The following DBF4 variants were observed in gnomAD, a reference collection of about 807,000 sequenced individuals.
The protein encoded by DBF4 is protein DBF4 homolog A.
DBF4 carries 25 observed loss-of-function variants against 76.6 expected under a neutral mutation model. The observed-to-expected ratio is 0.33, with a 90% CI of 0.24 to 0.46. The LOEUF is 0.46. Among genes scored for constraint, DBF4 ranks in the 20% least tolerant of loss-of-function variants. DBF4 has a pLI of 1.00. For missense variants in DBF4, 638 were observed against 760.8 expected (o/e 0.84, Z 1.90); for synonymous variants, 213 against 258.0 (o/e 0.83, Z 1.67).
At chr7:87,891,778 A>G (rs1195117750) in intron 6 of DBF4, among the ~76,000 whole-genome samples, 1 of 151,800 alleles carries the variant, frequency 6.6e-6, no homozygotes, top group African/African-American at 2.4e-5. Context: ...AGTTTTATTG[A>G]TTTCTGCTCT....
chr7:87,887,588 AC>A (rs1839389213), intron 5 of DBF4, among the ~76,000 whole-genome samples, 190 bp downstream of exon 5: 1 of 152,194 alleles, frequency 6.6e-6, no homozygotes, highest in Non-Finnish European at 1.5e-5. Context: ...AGTTATGGAG[AC>A]TAAGAAGTCC....
intron 10 of DBF4, among the ~76,000 whole-genome samples, chr7:87,901,220 A>G (rs967007954): frequency 1.3e-5 from 2 of 152,250 alleles, no homozygotes; most frequent in South Asian, 2.1e-4. Flanking sequence ...ATGAAAAAAT[A>G]GAACATAGGA....
At chr7:87,887,912 A>G (rs1026716934) in intron 5 of DBF4, 71 bp from the exon 6 acceptor site, 19 of 1,359,238 alleles carry the variant, frequency 1.4e-5, no homozygotes, top group Non-Finnish European at 1.9e-5. Context: ...TAATTTAACT[A>G]CAAGAAAATA....
chr7:87,878,373 C>G lies in DBF4; in HGVS notation c.219+148C>G, dbSNP rs1839123901. On this transcript the variant is annotated intron_variant, in intron 2 of 11. Transcript: ENST00000265728. ...TCAGCTGTTTATCGTTAACAAAAAACCATTTGTTTTAACCTTTTGTGGACT... is the reference window on the plus strand; with the variant it reads ...TCAGCTGTTTATCGTTAACAAAAAAGCATTTGTTTTAACCTTTTGTGGACT... The G allele has an allele frequency of 9.2e-6, 6 of 654,646 alleles. No individual in the cohort carries two copies. In the South Asian group the frequency reaches 1.4e-4, roughly 15 times the overall value. 40.6% of individuals were successfully genotyped at this position (654,646 alleles called of 1,614,324 possible).
chr7:87,909,507 C>T lies in DBF4; in HGVS notation c.*1344C>T, dbSNP rs1011421273. 6.6e-6 allele frequency: 1 copy of T among 152,152 alleles called. No homozygotes were observed. Among genetic ancestry groups the T allele is most frequent in the Admixed American group, 6.5e-5 (1 of 15,274 alleles). The allele number at this position is 152,152 out of a possible 1,614,324, so 9.4% of individuals were successfully genotyped here. A position where few individuals can be genotyped will look rare whatever the true frequency, so the allele number is the denominator to read the frequency against. Reference sequence around the variant, plus strand: ...AACACCTTTGTTTTTCATACCAGTACCTGAAGTAGGCTCAATAAAAGAGTC... The same window carrying T: ...AACACCTTTGTTTTTCATACCAGTATCTGAAGTAGGCTCAATAAAAGAGTC... On this transcript the variant is annotated 3_prime_UTR_variant, in exon 12 of 12. Coordinates refer to ENST00000265728, the MANE Select transcript of DBF4 (RefSeq NM_006716.4).
chr7:87,884,268 T>C (rs979811438), intron 2 of DBF4, among the ~76,000 whole-genome samples: 3 of 152,236 alleles, frequency 2.0e-5, no homozygotes, highest in Non-Finnish European at 4.4e-5. Flanking sequence ...AGTGTGTGCC[T>C]GTACTCTCAG....
chr7:87,882,765 A>G (rs1839248517), intron 2 of DBF4, among the ~76,000 whole-genome samples: 1 of 152,196 alleles, frequency 6.6e-6, no homozygotes, highest in Admixed American at 6.5e-5. Context: ...GTAATCACTT[A>G]ACACCTGTTA....
Position 87,878,110 on chromosome 7 carries a change from A to C in DBF4, c.104A>C (p.Asp35Ala). ...CCATCTCTGAAATCTCTGAAAACTG[A>C]TAACAGGCCAGAAAAATCCAAATGT... ...NRPSLKSLKT[D>A]NRPEKSKCKP... Residue 35 changes from aspartate to alanine, a missense_variant, in exon 2 of 12, where the codon GAT (aspartate) becomes GCT (alanine). Physicochemically the swap from Asp to Ala is moderately radical, Grantham distance 126. Transcript: ENST00000265728. 1.2e-6 allele frequency: 2 copies of C among 1,612,264 alleles called. No homozygotes were observed. The highest frequency in any genetic ancestry group is 1.7e-6 in the Non-Finnish European group (2 of 1,179,676).
chr7:87,886,915 T>C, intron 4 of DBF4, 21 bp downstream of exon 4: 1 of 1,436,620 alleles, frequency 7.0e-7, no homozygotes, highest in South Asian at 1.2e-5. Context: ...ACTATAAAGA[T>C]TCACATTGTA....
rs1161517252 is a variant in DBF4, at chr7:87,904,430, T to A, written c.1049+14T>A. The A allele has an allele frequency of 6.2e-7, 1 of 1,608,090 alleles. No individual in the cohort carries two copies. The highest frequency in any genetic ancestry group is 8.5e-7 in the Non-Finnish European group (1 of 1,176,628). On this transcript the variant is annotated intron_variant, in intron 11 of 11. Transcript: ENST00000265728. Reference sequence around the variant, plus strand: ...TAAAAAGAAAAGGTAATTAGTTTTATCAACCTAAGTTTTAAATTCTACTAG... The same window carrying A: ...TAAAAAGAAAAGGTAATTAGTTTTAACAACCTAAGTTTTAAATTCTACTAG...
rs773634427 is a variant in DBF4 at position 87,897,274 on chromosome 7, A to G, written c.635-20A>G. The stretch of plus-strand genomic sequence containing the variant: ...AATCCTGAATTTGCAAGTATCTAAT[A>G]TGTTTTCTATGTTCTCAAGCAGGAA... On this transcript the variant is annotated intron_variant, in intron 7 of 11. Transcript: ENST00000265728. 7 of 1,598,434 alleles carry G rather than the reference A, an allele frequency of 4.4e-6. No individual in the cohort carries two copies. The highest frequency in any genetic ancestry group is 1.7e-4 in the Middle Eastern group (1 of 6,002).
chr7:87,889,365 C>T (rs1187485217), intron 6 of DBF4, among the ~76,000 whole-genome samples: 3 of 151,704 alleles, frequency 2.0e-5, no homozygotes, highest in African/African-American at 7.3e-5. Flanking sequence ...CTGCAACCTC[C>T]TCCTCCCGGG....
At chr7:87,893,144 A>T (rs1839534379) in intron 6 of DBF4, among the ~76,000 whole-genome samples, 1 of 152,212 alleles carries the variant, frequency 6.6e-6, no homozygotes, top group African/African-American at 2.4e-5. Flanking sequence ...ATTACCAAGT[A>T]AAATTGTGGA....
chr7:87,888,193 A>G (rs1255195620), intron 6 of DBF4, 134 bp downstream of exon 6: 23 of 1,272,816 alleles, frequency 1.8e-5, no homozygotes, highest in Non-Finnish European at 2.0e-5. Context: ...TGTTATTCAA[A>G]TAAATCGAGT....
At chr7:87,881,016 A>G (rs1223046727) in intron 2 of DBF4, among the ~76,000 whole-genome samples, 2 of 152,266 alleles carry the variant, frequency 1.3e-5, no homozygotes, top group African/African-American at 4.8e-5. Context: ...TAAATGGCAT[A>G]GATTCAACAA....
chr7:87,889,686 G>A (rs934946682), intron 6 of DBF4, among the ~76,000 whole-genome samples: 9 of 152,020 alleles, frequency 5.9e-5, no homozygotes, highest in Non-Finnish European at 1.3e-4. Context: ...ATAAATTCAC[G>A]TTTATATAAG....
intron 6 of DBF4, among the ~76,000 whole-genome samples, chr7:87,892,035 G>C (rs545115504): frequency 6.6e-5 from 10 of 152,154 alleles, no homozygotes; most frequent in Non-Finnish European, 1.5e-4. Context: ...CATACTCCTT[G>C]TCCTAACATC....
Position 87,878,384 on chromosome 7 carries a change from A to C in DBF4, c.219+159A>C, listed in dbSNP as rs1037475428. 3 of 620,020 alleles carry C rather than the reference A, an allele frequency of 4.8e-6. No homozygotes were observed. In the Admixed American group the frequency reaches 1.0e-4, roughly 22 times the overall value. The allele number at this position is 620,020 out of a possible 1,614,324, so 38.4% of individuals were successfully genotyped here. A position where few individuals can be genotyped will look rare whatever the true frequency, so the allele number is the denominator to read the frequency against. On this transcript the variant is annotated intron_variant, in intron 2 of 11. Transcript: ENST00000265728. ...TCGTTAACAAAAAACCATTTGTTTT[A>C]ACCTTTTGTGGACTGACAGACCTTT...
At chr7:87,894,116 A>G (rs1044172026) in intron 6 of DBF4, among the ~76,000 whole-genome samples, 3 of 152,214 alleles carry the variant, frequency 2.0e-5, no homozygotes, top group Non-Finnish European at 4.4e-5. Context: ...ACATCTTCTT[A>G]TAATGAAAAT....
Sources: gnomAD v4.1 joint callset for allele counts (sites outside exome capture counted in the v4.1 genomes callset) on GRCh38, gnomAD v4.1.1 for gene constraint, MANE v1.5 for transcripts, NCBI Gene and HGNC (gene_info 2026-07-23, HGNC 2026-07-21) for gene names.